Variants in CDK14 observed in about 807,000 individuals in gnomAD.
CDK14 encodes the protein cyclin dependent kinase 14, also known as cyclin-dependent kinase 14.
CDK14 carries 34 observed loss-of-function variants against 60.7 expected under a neutral mutation model. That is an observed-to-expected ratio of 0.56 (90% CI 0.43 to 0.75). CDK14 has a LOEUF of 0.75. Ranked by LOEUF, CDK14 falls within the 30% of genes least tolerant of loss-of-function variation. CDK14 has a pLI of 0.00. For synonymous variants in CDK14, 197 were observed against 203.7 expected (o/e 0.97, Z 0.28); for missense variants, 482 against 564.1 (o/e 0.85, Z 1.47).
intron 8 of CDK14, among the ~76,000 whole-genome samples, chr7:90,954,473 A>T (rs976687586): frequency 1.3e-5 from 2 of 152,160 alleles, no homozygotes; most frequent in African/African-American, 4.8e-5. Context: ...ACATCTATAG[A>T]TTTTGTGATT....
At chr7:90,790,713 AT>A in intron 5 of CDK14, 61 bp downstream of exon 5, 1 of 1,026,252 alleles carries the variant, frequency 9.7e-7, no homozygotes. Flanking sequence ...AGCTATTTTA[AT>A]ATTATACACC....
chr7:91,204,250 C>A (rs1562993709), intron 14 of CDK14, among the ~76,000 whole-genome samples: 1 of 152,104 alleles, frequency 6.6e-6, no homozygotes, highest in South Asian at 2.1e-4. Context: ...GTTACCCCTA[C>A]CTCATACCAT....
In CDK14 at chr7:90,599,497, A is replaced by G. The variant is rs17869471; in HGVS notation, c.91+2779A>G. Among the ~76,000 whole-genome samples, 1,170 of 152,316 alleles carry G rather than the reference A, an allele frequency of 7.7e-3. 13 individuals are homozygous for G. Among genetic ancestry groups the G allele is most frequent in the African/African-American group, 0.025 (1,029 of 41,558 alleles). ...AGAGTCCTCATCTGTAAATATTCAT[A>G]TACGGTGAATATATGTGAAGACTAA... On this transcript the variant is annotated intron_variant, in intron 1 of 14. Transcript: ENST00000380050.
chr7:91,198,184 C>G (rs1802609207), intron 14 of CDK14, among the ~76,000 whole-genome samples: 1 of 152,184 alleles, frequency 6.6e-6, no homozygotes, highest in African/African-American at 2.4e-5. Context: ...ATAGATATTT[C>G]TGCTGTAATA....
intron 4 of CDK14, among the ~76,000 whole-genome samples, chr7:90,768,893 A>G (rs1804674070): frequency 6.6e-6 from 1 of 152,228 alleles, no homozygotes; most frequent in African/African-American, 2.4e-5. Context: ...TTGCTTATCT[A>G]CCATGGACAC....
At chr7:91,183,619 A>G (rs770245979) in intron 14 of CDK14, among the ~76,000 whole-genome samples, 28 of 152,184 alleles carry the variant, frequency 1.8e-4, no homozygotes, top group Admixed American at 1.3e-4. Context: ...GCTCTCCTTC[A>G]TTCGCTTCCC....
chr7:90,791,723 G>A (rs1805838018), intron 5 of CDK14, among the ~76,000 whole-genome samples: 1 of 151,916 alleles, frequency 6.6e-6, no homozygotes, highest in Non-Finnish European at 1.5e-5. Context: ...AAGTTCATCA[G>A]TCACTTGCTT....
chr7:90,596,579 C>T lies in CDK14; in HGVS notation c.-49C>T. On this transcript the variant is annotated 5_prime_UTR_variant, in exon 1 of 15. Coordinates refer to ENST00000380050, the MANE Select transcript of CDK14 (RefSeq NM_001287135.2). ...GCGCGCGCCCTCGCCGTTGTCTGAG[C>T]TGTGCCTGGACCAGTTTGGGGAAGT... 6.6e-7 allele frequency: 1 copy of T among 1,515,478 alleles called. No homozygotes were observed. The highest frequency in any genetic ancestry group is 2.3e-5 in the East Asian group (1 of 44,166). 93.9% of individuals were successfully genotyped at this position (1,515,478 alleles called of 1,614,324 possible).
intron 5 of CDK14, among the ~76,000 whole-genome samples, chr7:90,814,788 C>T (rs191298793): frequency 6.6e-6 from 1 of 152,250 alleles, no homozygotes; most frequent in African/African-American, 2.4e-5. Flanking sequence ...AAGAAACAAA[C>T]AAAACTTATT....
chr7:90,931,444 A>C (rs1205875955), intron 8 of CDK14, among the ~76,000 whole-genome samples: 1 of 152,108 alleles, frequency 6.6e-6, no homozygotes, highest in Non-Finnish European at 1.5e-5. Context: ...AGAACTCAAC[A>C]CCTTTTAAAG....
At chr7:90,829,868 G>T (rs1462427802) in intron 5 of CDK14, among the ~76,000 whole-genome samples, 1 of 152,150 alleles carries the variant, frequency 6.6e-6, no homozygotes, top group African/African-American at 2.4e-5. Context: ...AGTTACCTTT[G>T]ACTCCATATC....
intron 9 of CDK14, among the ~76,000 whole-genome samples, chr7:90,958,791 A>C (rs1040898909): frequency 1.5e-4 from 23 of 152,082 alleles, no homozygotes; most frequent in African/African-American, 5.3e-4. Flanking sequence ...CAATGAGGTC[A>C]GTTAGGGACT....
chr7:91,039,956 G>A (rs1256711991), intron 10 of CDK14, among the ~76,000 whole-genome samples: 1 of 152,110 alleles, frequency 6.6e-6, no homozygotes, highest in East Asian at 1.9e-4. Flanking sequence ...ATAGGGTGGA[G>A]TGTGCCTGTC....
chr7:91,157,422 T>A (rs1419796609), intron 14 of CDK14, among the ~76,000 whole-genome samples: 1 of 152,186 alleles, frequency 6.6e-6, no homozygotes, highest in African/African-American at 2.4e-5. Flanking sequence ...CCAAGGCTCA[T>A]TTTCTTCATT....
chr7:90,870,643 G>A (rs1472660537), intron 6 of CDK14, among the ~76,000 whole-genome samples: 1 of 152,044 alleles, frequency 6.6e-6, no homozygotes, highest in African/African-American at 2.4e-5. Flanking sequence ...TCATTATCTA[G>A]TCCCAGATAA....
chr7:90,917,085 G>A (rs1015378940), intron 7 of CDK14, among the ~76,000 whole-genome samples: 6 of 152,062 alleles, frequency 3.9e-5, no homozygotes, highest in African/African-American at 1.4e-4. Context: ...GACTGTTTTT[G>A]TTTTAATTAT....
intron 6 of CDK14, among the ~76,000 whole-genome samples, chr7:90,880,354 C>T (rs1416072970): frequency 6.6e-6 from 1 of 152,200 alleles, no homozygotes; most frequent in Non-Finnish European, 1.5e-5. Flanking sequence ...CAGCCGTAAC[C>T]CATCCTTCCT....
At chr7:90,920,325 GACAAAT>G (rs1405970826) in intron 8 of CDK14, among the ~76,000 whole-genome samples, 2 of 152,106 alleles carry the variant, frequency 1.3e-5, no homozygotes, top group Non-Finnish European at 2.9e-5. Context: ...GACTAAAAGA[GACAAAT>G]ACAAAGTATG....
intron 2 of CDK14, among the ~76,000 whole-genome samples, chr7:90,671,142 C>G (rs952579346): frequency 1.3e-5 from 2 of 152,100 alleles, no homozygotes; most frequent in Admixed American, 1.3e-4. Context: ...CCAGATGGTG[C>G]TCTCTGTGTC....
Sources: allele counts gnomAD v4.1 joint callset (sites outside exome capture counted in the v4.1 genomes callset), GRCh38; gene constraint gnomAD v4.1.1; transcripts MANE v1.5; gene names NCBI Gene and HGNC (gene_info 2026-07-23, HGNC 2026-07-21).